Variants in HIP1 observed in about 807,000 individuals in gnomAD.
The protein encoded by HIP1 is huntingtin interacting protein 1.
In HIP1, 65 loss-of-function variants were observed where a neutral mutation model predicts 147.6. The observed-to-expected ratio is 0.44, with a 90% CI of 0.36 to 0.54. HIP1 has a LOEUF of 0.54. HIP1 is among the 20% of genes least tolerant of loss of function. The pLI, the probability that HIP1 is intolerant of heterozygous loss-of-function variation, is 0.00. For missense variants in HIP1, 1,061 were observed against 1,299.6 expected (o/e 0.82, Z 2.82); for synonymous variants, 479 against 504.0 (o/e 0.95, Z 0.67).
chr7:75,726,834 G>A (rs1456136002), intron 1 of HIP1, among the ~76,000 whole-genome samples: 1 of 150,760 alleles, frequency 6.6e-6, no homozygotes, highest in Non-Finnish European at 1.5e-5. Context: ...GCCCCACCAT[G>A]CCTGCCTAAT....
chr7:75,725,330 G>T lies in HIP1; in HGVS notation c.120+13471C>A, dbSNP rs536229866. Among the ~76,000 whole-genome samples the T allele has an allele frequency of 3.9e-5, 6 of 152,150 alleles. No individual in the cohort carries two copies. The South Asian group carries it at 1.0e-3, about 26-fold the overall frequency. ...CATGCGGCACCATGCCCAGCTAGGA[G>T]TTTTTTGTTTTTTTCTTTTAAGTTT... On this transcript the variant is annotated intron_variant, in intron 1 of 30. Coordinates refer to ENST00000336926, the MANE Select transcript of HIP1 (RefSeq NM_005338.7).
At position 75,566,665 on chromosome 7, in the gene HIP1, G is replaced by C. The variant is rs139987073; in HGVS notation, c.803+1534C>G. Reference sequence around the variant, plus strand: ...GTCCTTAATTTGGTCCGATGCCCAAGCCCTGCCTCCAGAGTCCAGTCTCCC... The same window carrying C: ...GTCCTTAATTTGGTCCGATGCCCAACCCCTGCCTCCAGAGTCCAGTCTCCC... On this transcript the variant is annotated intron_variant, in intron 9 of 30. Coordinates refer to ENST00000336926, the MANE Select transcript of HIP1 (RefSeq NM_005338.7). 4.0e-5 allele frequency among the ~76,000 whole-genome samples: 6 copies of C among 151,386 alleles called. 1 individual carries two copies. The highest frequency in any genetic ancestry group is 1.5e-4 in the African/African-American group (6 of 40,724).
chr7:75,638,785 A>G (rs1798532651), intron 1 of HIP1, among the ~76,000 whole-genome samples: 1 of 152,072 alleles, frequency 6.6e-6, no homozygotes, highest in African/African-American at 2.4e-5. Context: ...CGAGCCCCGC[A>G]GCCCAGTCCC....
chr7:75,607,529 TAAAAAAA>T (rs140305342), intron 1 of HIP1, among the ~76,000 whole-genome samples: 2 of 107,418 alleles, frequency 1.9e-5, no homozygotes, highest in African/African-American at 3.4e-5. Context: ...ATGCCCAGCC[TAAAAAAA>T]AAAAAAAAAA....
chr7:75,627,738 T>C (rs1369895253), intron 1 of HIP1, among the ~76,000 whole-genome samples: 1 of 152,086 alleles, frequency 6.6e-6, no homozygotes, highest in African/African-American at 2.4e-5. Context: ...GGCAGCATCT[T>C]CCCTCCAACT....
chr7:75,733,281 G>A (rs1801900247), intron 1 of HIP1, among the ~76,000 whole-genome samples: 1 of 152,030 alleles, frequency 6.6e-6, no homozygotes, highest in Non-Finnish European at 1.5e-5. Flanking sequence ...GAGTCACGAT[G>A]TCCTCATCCA....
At chr7:75,648,247 A>G (rs1554511384) in intron 1 of HIP1, among the ~76,000 whole-genome samples, 1 of 151,232 alleles carries the variant, frequency 6.6e-6, no homozygotes, top group East Asian at 1.9e-4. Flanking sequence ...GGAGTAGCTG[A>G]AGCTGGTTGG....
intron 1 of HIP1, among the ~76,000 whole-genome samples, chr7:75,687,632 A>T (rs531041350): frequency 6.6e-6 from 1 of 152,324 alleles, no homozygotes; most frequent in Admixed American, 6.5e-5. Flanking sequence ...CAGAGGTTGC[A>T]GTGAGCCGAG....
intron 1 of HIP1, among the ~76,000 whole-genome samples, chr7:75,693,342 T>C (rs1800522067): frequency 6.6e-6 from 1 of 152,048 alleles, no homozygotes; most frequent in African/African-American, 2.4e-5. Flanking sequence ...AATATCCCAT[T>C]GTTTAAGGCA....
intron 1 of HIP1, among the ~76,000 whole-genome samples, chr7:75,610,628 T>C (rs1044583127): frequency 6.6e-6 from 1 of 151,894 alleles, no homozygotes; most frequent in African/African-American, 2.4e-5. Context: ...TCCTTTCCTG[T>C]AGGCCCACAG....
chr7:75,685,741 T>C (rs1157255464), intron 1 of HIP1, among the ~76,000 whole-genome samples: 2 of 150,814 alleles, frequency 1.3e-5, no homozygotes, highest in Non-Finnish European at 3.0e-5. Flanking sequence ...TAGAGACGGG[T>C]TTTTCCCATG....
intron 2 of HIP1, among the ~76,000 whole-genome samples, chr7:75,596,728 C>G (rs1355145489): frequency 6.6e-6 from 1 of 152,118 alleles, no homozygotes; most frequent in African/African-American, 2.4e-5. Flanking sequence ...AGAAAGTGAC[C>G]TAAGACTCAT....
chr7:75,548,885 T>C lies in HIP1; in HGVS notation c.2406+6A>G. 6.2e-7 allele frequency: 1 copy of C among 1,601,614 alleles called. No homozygotes were observed. The highest frequency in any genetic ancestry group is 8.6e-7 in the Non-Finnish European group (1 of 1,168,540). ...CGTTTCAGGAGATCCTGCAGGAACC[T>C]CCTACCTCTATTCTGGCCGTGGCAG... On this transcript the variant is annotated splice_donor_region_variant and intron_variant, in intron 23 of 30. Transcript: ENST00000336926.
chr7:75,681,889 G>A (rs971537938), intron 1 of HIP1, among the ~76,000 whole-genome samples: 1 of 151,822 alleles, frequency 6.6e-6, no homozygotes, highest in Admixed American at 6.6e-5. Context: ...GTGGCATCTG[G>A]TCCTGTCGTG....
intron 1 of HIP1, chr7:75,639,075 G>C (rs1798548190): frequency 1.4e-5 from 14 of 984,712 alleles, no homozygotes; most frequent in Non-Finnish European, 1.7e-5. Context: ...CCATGACCGA[G>C]GCTGCGGGGC....
rs376316816 is a variant in HIP1, at chr7:75,609,179, G to A, written c.121-9932C>T. Reference sequence around the variant, plus strand: ...GACCCTTCTCCTGCAGCTCTGGGGGGGCTCACAAGAGCTCTCAGGCACTGT... The same window carrying A: ...GACCCTTCTCCTGCAGCTCTGGGGGAGCTCACAAGAGCTCTCAGGCACTGT... On this transcript the variant is annotated intron_variant, in intron 1 of 30. Coordinates refer to ENST00000336926, the MANE Select transcript of HIP1 (RefSeq NM_005338.7). Among the ~76,000 whole-genome samples, 12 of 152,198 alleles carry A rather than the reference G, an allele frequency of 7.9e-5. No individual in the cohort carries two copies. The East Asian group carries it at 2.1e-3, about 27-fold the overall frequency.
intron 1 of HIP1, among the ~76,000 whole-genome samples, chr7:75,660,118 C>A (rs549268663): frequency 1.3e-5 from 2 of 151,286 alleles, no homozygotes; most frequent in Non-Finnish European, 2.9e-5. Flanking sequence ...GAGCAAGACT[C>A]CGTCTCAAAA....
intron 13 of HIP1, among the ~76,000 whole-genome samples, chr7:75,560,264 G>T (rs1296779649): frequency 6.6e-6 from 1 of 151,884 alleles, no homozygotes; most frequent in African/African-American, 2.4e-5. Context: ...GGTTGGGGGA[G>T]GGGAGGGACA....
rs1798657772 is a variant in HIP1 at position 75,641,587 on chromosome 7, G to A, written c.121-42340C>T. ...GCTCACCACAACCTCTGCCTCCTGG[G>A]TTCAAGAAATTCGCCTGCCTCAGCC... On this transcript the variant is annotated intron_variant, in intron 1 of 30. Coordinates refer to ENST00000336926, the MANE Select transcript of HIP1 (RefSeq NM_005338.7). 3.3e-5 allele frequency among the ~76,000 whole-genome samples: 5 copies of A among 151,958 alleles called. No homozygotes were observed. In the South Asian group the frequency reaches 1.0e-3, roughly 31 times the overall value.
Sources: allele counts gnomAD v4.1 joint callset (sites outside exome capture counted in the v4.1 genomes callset), GRCh38; gene constraint gnomAD v4.1.1; transcripts MANE v1.5; gene names NCBI Gene and HGNC (gene_info 2026-07-23, HGNC 2026-07-21).